Variants in TTBK2 observed in about 807,000 individuals in gnomAD.
The protein encoded by TTBK2 is tau-tubulin kinase 2.
Under a neutral mutation model 110.8 loss-of-function variants are expected in TTBK2, and 28 were observed. The ratio of observed to expected loss-of-function variants is 0.25; its 90% CI spans 0.19 to 0.35. TTBK2 has a LOEUF of 0.35. Among genes scored for constraint, TTBK2 ranks in the 10% least tolerant of loss-of-function variants. TTBK2 has a pLI of 1.00. For missense variants in TTBK2, 1,369 were observed against 1,500.3 expected, an observed-to-expected ratio of 0.91 and a Z score of 1.45; for synonymous variants, 532 against 527.3, an observed-to-expected ratio of 1.01 and a Z score of -0.12.
intron 1 of TTBK2, among the ~76,000 whole-genome samples, chr15:42,903,432 A>T (rs1450978213): frequency 1.3e-5 from 2 of 152,222 alleles, no homozygotes; most frequent in African/African-American, 4.8e-5. Flanking sequence ...AATCTTATGT[A>T]TATTTTACCA....
intron 9 of TTBK2, among the ~76,000 whole-genome samples, chr15:42,807,467 G>A (rs943725301): frequency 6.6e-6 from 1 of 152,052 alleles, no homozygotes; most frequent in African/African-American, 2.4e-5. Context: ...AGGCTGGAGT[G>A]CAGTGGCACA....
Position 42,817,043 on chromosome 15 carries a change from G to A in TTBK2, c.592C>T (p.His198Tyr), listed in dbSNP as rs1892065566. 1 of 1,604,698 alleles carries A rather than the reference G, an allele frequency of 6.2e-7. No individual in the cohort carries two copies. ...GTVRYASINA[H>Y]RNREMGRHDD... is the part of the protein sequence containing the mutation. ...GTTCAGATACCTACCCTGTTCCGAT[G>A]TGCGTTGATTGATGCATAACGAACT... The change falls in exon 7 of 15, where the codon CAT becomes TAT. Residue 198 changes from histidine to tyrosine, a missense_variant. Physicochemically the swap from His to Tyr is moderately conservative, Grantham distance 83. Transcript: ENST00000267890.
At chr15:42,907,026 G>GA (rs1045418403) in intron 1 of TTBK2, among the ~76,000 whole-genome samples, 93 of 116,142 alleles carry the variant, frequency 8.0e-4, no homozygotes, top group African/African-American at 1.8e-3. Flanking sequence ...CTCATTAAAA[G>GA]AAAAAAAAAA....
chr15:42,901,615 T>TA (rs770303940), intron 1 of TTBK2, among the ~76,000 whole-genome samples: 197 of 117,226 alleles, frequency 1.7e-3, no homozygotes, highest in African/African-American at 3.3e-3. Flanking sequence ...ACCTCGTCTC[T>TA]AAAAAAAAAA....
chr15:42,847,290 T>C (rs2141035139), intron 3 of TTBK2, among the ~76,000 whole-genome samples: 1 of 152,370 alleles, frequency 6.6e-6, no homozygotes, highest in African/African-American at 2.4e-5. Context: ...GTTTTCTTAT[T>C]GTTGAGTTTT....
At chr15:42,769,293 A>G (rs1422105100) in intron 13 of TTBK2, among the ~76,000 whole-genome samples, 1 of 152,254 alleles carries the variant, frequency 6.6e-6, no homozygotes, top group Non-Finnish European at 1.5e-5. Context: ...GCTCCTGCAC[A>G]GCAAAAGAAA....
intron 13 of TTBK2, among the ~76,000 whole-genome samples, chr15:42,755,020 A>T: frequency 6.7e-6 from 1 of 149,990 alleles, no homozygotes; most frequent in African/African-American, 2.4e-5. Context: ...GGAAAAAAAA[A>T]AAAAAAAAAA....
chr15:42,749,637 T>TA (rs913542643), intron 14 of TTBK2, among the ~76,000 whole-genome samples: 1 of 152,216 alleles, frequency 6.6e-6, no homozygotes, highest in African/African-American at 2.4e-5. Context: ...TAGTAACTCT[T>TA]ACATTTTTCC....
chr15:42,844,577 G>C (rs1004623351), intron 3 of TTBK2, among the ~76,000 whole-genome samples: 2 of 152,072 alleles, frequency 1.3e-5, no homozygotes, highest in African/African-American at 4.8e-5. Flanking sequence ...AAATAAATAA[G>C]CATGATATGC....
chr15:42,803,046 G>A (rs1891294888), intron 9 of TTBK2, among the ~76,000 whole-genome samples: 1 of 152,216 alleles, frequency 6.6e-6, no homozygotes, highest in Non-Finnish European at 1.5e-5. Flanking sequence ...TCAGCCCGCA[G>A]ACGGCCTATT....
intron 13 of TTBK2, 38 bp downstream of exon 13, chr15:42,775,097 T>C: frequency 6.3e-7 from 1 of 1,594,796 alleles, no homozygotes; most frequent in South Asian, 1.1e-5. Flanking sequence ...GCACCTTGAG[T>C]GGATAACAGA....
At chr15:42,760,754 T>G (rs980712837) in intron 13 of TTBK2, among the ~76,000 whole-genome samples, 1 of 152,202 alleles carries the variant, frequency 6.6e-6, no homozygotes, top group African/African-American at 2.4e-5. Context: ...TAATAGTGTT[T>G]AAATGCCTAT....
At chr15:42,807,068 G>C (rs1227142884) in intron 9 of TTBK2, among the ~76,000 whole-genome samples, 1 of 152,156 alleles carries the variant, frequency 6.6e-6, no homozygotes, top group Non-Finnish European at 1.5e-5. Context: ...ATCAGAGTCA[G>C]AGGATCCTAC....
At chr15:42,774,958 C>T (rs1440638015) in intron 13 of TTBK2, among the ~76,000 whole-genome samples, 177 bp downstream of exon 13, 1 of 152,194 alleles carries the variant, frequency 6.6e-6, no homozygotes, top group Non-Finnish European at 1.5e-5. Flanking sequence ...GAAGACCTCA[C>T]TTTTTGAAAA....
rs577885696 is a variant in TTBK2, at chr15:42,820,347, T to G, written c.538-3250A>C. ...ATGAAATATAAACACTCGGGACAGG[T>G]AAGGATTAGTTCCATGTAGTAGGAG... On this transcript the variant is annotated intron_variant, in intron 6 of 14. Coordinates refer to ENST00000267890, the MANE Select transcript of TTBK2 (RefSeq NM_173500.4). Among the ~76,000 whole-genome samples the G allele has an allele frequency of 5.3e-5, 8 of 152,234 alleles. No individual in the cohort carries two copies. The South Asian group carries it at 1.7e-3, about 32-fold the overall frequency.
intron 6 of TTBK2, among the ~76,000 whole-genome samples, chr15:42,823,576 T>G (rs1567044591): frequency 6.6e-6 from 1 of 152,150 alleles, no homozygotes. Flanking sequence ...GAGGAAGTTC[T>G]TTCGTGGTGA....
chr15:42,796,138 T>C (rs1031014920), intron 9 of TTBK2, among the ~76,000 whole-genome samples: 4 of 151,576 alleles, frequency 2.6e-5, no homozygotes, highest in Non-Finnish European at 5.9e-5. Flanking sequence ...GCACGGTGGC[T>C]CACGCCTGTA....
chr15:42,757,253 T>G (rs993854041), intron 13 of TTBK2, among the ~76,000 whole-genome samples: 1 of 149,616 alleles, frequency 6.7e-6, no homozygotes, highest in African/African-American at 2.5e-5. Context: ...ACTACAGGCA[T>G]GTAGCACCAC....
intron 3 of TTBK2, among the ~76,000 whole-genome samples, chr15:42,865,436 G>A (rs1236276070): frequency 6.6e-6 from 1 of 151,726 alleles, no homozygotes; most frequent in Non-Finnish European, 1.5e-5. Context: ...CTCCAGCCTG[G>A]GCGACAGAGT....
Sources: allele counts gnomAD v4.1 joint callset (sites outside exome capture counted in the v4.1 genomes callset), GRCh38; gene constraint gnomAD v4.1.1; transcripts MANE v1.5; gene names NCBI Gene and HGNC (gene_info 2026-07-23, HGNC 2026-07-21).